ANKFN1: variants seen among roughly 807,000 people sequenced by gnomAD.
The protein encoded by ANKFN1 is ankyrin repeat and fibronectin type III domain containing 1, also known as ankyrin repeat and fibronectin type-III domain-containing protein 1.
A neutral mutation model predicts 108.7 loss-of-function variants in ANKFN1; 74 were observed. The observed-to-expected ratio is 0.68, with a 90% CI of 0.56 to 0.83. The LOEUF (loss-of-function observed/expected upper bound fraction) is 0.83, where lower values mean the gene tolerates loss of function less well. Ranked by LOEUF, ANKFN1 falls within the 40% of genes least tolerant of loss-of-function variation. The pLI is 0.00. For missense variants in ANKFN1, 1,505 were observed against 1,382.3 expected (o/e 1.09, Z -1.41); for synonymous variants, 547 against 516.2 (o/e 1.06, Z -0.81).
At chr17:56,427,103 G>GT (rs1466231181) in intron 8 of ANKFN1, among the ~76,000 whole-genome samples, 5 of 152,174 alleles carry the variant, frequency 3.3e-5, no homozygotes, top group African/African-American at 1.2e-4. Context: ...AGAAGGTCTG[G>GT]TTTTTTCTTT....
chr17:56,462,624 C>T (rs2049944178), intron 14 of ANKFN1, among the ~76,000 whole-genome samples: 1 of 152,130 alleles, frequency 6.6e-6, no homozygotes, highest in South Asian at 2.1e-4. Context: ...TAACAATGTT[C>T]TGAGGAAAGT....
At chr17:56,290,357 C>T (rs1567889407) in intron 3 of ANKFN1, among the ~76,000 whole-genome samples, 1 of 152,116 alleles carries the variant, frequency 6.6e-6, no homozygotes, top group Non-Finnish European at 1.5e-5. Context: ...TCATTTTCTC[C>T]AGCTATGAAA....
intron 8 of ANKFN1, among the ~76,000 whole-genome samples, chr17:56,410,964 G>T (rs552843088): frequency 2.0e-5 from 3 of 152,158 alleles, no homozygotes; most frequent in East Asian, 3.9e-4. Flanking sequence ...TGTTATTTTT[G>T]CTCAAGATTG....
At chr17:56,088,058 T>G (rs1905348666) in intron 4 of ANKFN1, among the ~76,000 whole-genome samples, 1 of 151,362 alleles carries the variant, frequency 6.6e-6, no homozygotes, top group Admixed American at 6.6e-5. Context: ...CCAGTAGCCA[T>G]CTTCACCTAA....
At chr17:56,065,638 A>C (rs1905048155) in intron 4 of ANKFN1, among the ~76,000 whole-genome samples, 1 of 152,180 alleles carries the variant, frequency 6.6e-6, no homozygotes, top group South Asian at 2.1e-4. Context: ...TCAGGGAATA[A>C]GAAGGCCCAA....
chr17:56,309,141 A>G (rs755015702), intron 3 of ANKFN1, among the ~76,000 whole-genome samples: 1 of 152,102 alleles, frequency 6.6e-6, no homozygotes, highest in Non-Finnish European at 1.5e-5. Context: ...TTCTTTTTGG[A>G]ACGTTTGGTA....
At chr17:56,089,189 T>G (rs1214621894) in intron 4 of ANKFN1, among the ~76,000 whole-genome samples, 1 of 151,494 alleles carries the variant, frequency 6.6e-6, no homozygotes, top group Non-Finnish European at 1.5e-5. Context: ...CTTTTACCTA[T>G]TCACTGATAT....
intron 16 of ANKFN1, among the ~76,000 whole-genome samples, chr17:56,478,717 T>G (rs970157597): frequency 1.4e-5 from 2 of 144,330 alleles, no homozygotes; most frequent in Non-Finnish European, 3.0e-5. Context: ...AAGGAAGGAA[T>G]AGACAAGAAA....
intron 8 of ANKFN1, among the ~76,000 whole-genome samples, chr17:56,393,711 T>C (rs1234213786): frequency 6.6e-6 from 1 of 152,270 alleles, no homozygotes; most frequent in Non-Finnish European, 1.5e-5. Context: ...GATTTCTCCC[T>C]GTAGGGAGCA....
chr17:56,492,541 G>C (rs918039713), intron 19 of ANKFN1, among the ~76,000 whole-genome samples, 188 bp downstream of exon 19: 2 of 152,084 alleles, frequency 1.3e-5, no homozygotes, highest in African/African-American at 4.8e-5. Context: ...TTAAGAAAAA[G>C]TTACAGATAA....
chr17:56,181,254 A>T (rs1172653443), intron 1 of ANKFN1, among the ~76,000 whole-genome samples: 1 of 152,168 alleles, frequency 6.6e-6, no homozygotes, highest in Non-Finnish European at 1.5e-5. Context: ...ACATATTTTT[A>T]AAATTCTTTT....
intron 3 of ANKFN1, among the ~76,000 whole-genome samples, chr17:56,325,409 C>T (rs902694330): frequency 2.0e-5 from 3 of 152,128 alleles, no homozygotes; most frequent in Non-Finnish European, 4.4e-5. Context: ...AAAATGCCTA[C>T]ATATGCAGCT....
chr17:56,100,739 A>G (rs1183075033), intron 4 of ANKFN1, among the ~76,000 whole-genome samples: 1 of 152,174 alleles, frequency 6.6e-6, no homozygotes, highest in African/African-American at 2.4e-5. Flanking sequence ...CTTAGACCTG[A>G]GCATCCTCAG....
intron 8 of ANKFN1, among the ~76,000 whole-genome samples, chr17:56,417,246 A>G (rs1257117284): frequency 6.6e-6 from 1 of 152,236 alleles, no homozygotes; most frequent in Admixed American, 6.5e-5. Context: ...ACAAAGGACA[A>G]ATGCTTGAGG....
intron 4 of ANKFN1, among the ~76,000 whole-genome samples, chr17:56,119,135 A>T (rs1269884514): frequency 6.6e-6 from 1 of 152,144 alleles, no homozygotes; most frequent in Non-Finnish European, 1.5e-5. Flanking sequence ...GATCTGCTCA[A>T]TGTATAAATT....
At chr17:56,496,733 T>A (rs1225694796) in intron 19 of ANKFN1, among the ~76,000 whole-genome samples, 2 of 152,096 alleles carry the variant, frequency 1.3e-5, no homozygotes, top group African/African-American at 2.4e-5. Context: ...CTTAATCATA[T>A]CTTTTGCCAT....
Position 56,326,329 on chromosome 17 carries a change from C to T in ANKFN1, c.162C>T (p.Ser54=). Residue 54 remains serine (S), a synonymous_variant, in exon 4 of 21, where the codon TCC becomes TCT. Transcript: ENST00000682825. ...CTGGACAATTACCAACAACTTGTTC[C>T]TCTGCTGCCTCGAACAGCATAAACT... ...ESTGQLPTTC[S]SAASNSINWN... is the part of the protein sequence containing the mutation. 6.2e-7 allele frequency: 1 copy of T among 1,613,550 alleles called. No homozygotes were observed.
At chr17:56,096,257 G>A (rs1567785986) in intron 4 of ANKFN1, among the ~76,000 whole-genome samples, 1 of 152,184 alleles carries the variant, frequency 6.6e-6, no homozygotes, top group Non-Finnish European at 1.5e-5. Context: ...AGAGAGAGAT[G>A]TAAAATGACC....
At chr17:56,426,976 G>A (rs556820806) in intron 8 of ANKFN1, among the ~76,000 whole-genome samples, 2 of 152,292 alleles carry the variant, frequency 1.3e-5, no homozygotes, top group South Asian at 4.1e-4. Flanking sequence ...GATCAGTAAG[G>A]CACCTTGTTG....
Sources: allele counts gnomAD v4.1 joint callset (sites outside exome capture counted in the v4.1 genomes callset), GRCh38; gene constraint gnomAD v4.1.1; transcripts MANE v1.5; gene names NCBI Gene and HGNC (gene_info 2026-07-23, HGNC 2026-07-21).